Variants in NCOA7 observed in about 807,000 individuals in gnomAD.
The protein encoded by NCOA7 is nuclear receptor coactivator 7, also known as 140 kDa estrogen receptor-associated protein.
NCOA7 carries 45 observed loss-of-function variants against 104.3 expected under a neutral mutation model. The observed-to-expected ratio is 0.43, with a 90% CI of 0.34 to 0.55. NCOA7 has a LOEUF of 0.55. Among genes scored for constraint, NCOA7 ranks in the 20% least tolerant of loss-of-function variants. The pLI is 0.02. For missense variants in NCOA7, 1,041 were observed against 1,119.7 expected (o/e 0.93, Z 1.00); for synonymous variants, 398 against 402.3 (o/e 0.99, Z 0.13).
intron 1 of NCOA7, among the ~76,000 whole-genome samples, chr6:125,806,145 A>C (rs1776426516): frequency 6.6e-6 from 1 of 152,188 alleles, no homozygotes; most frequent in African/African-American, 2.4e-5. Context: ...GTTCAAGACC[A>C]ACCTGGCCAA....
intron 3 of NCOA7, among the ~76,000 whole-genome samples, chr6:125,861,524 GA>G (rs1782048659): frequency 6.6e-6 from 1 of 152,086 alleles, no homozygotes; most frequent in Non-Finnish European, 1.5e-5. Flanking sequence ...TTTTCATGTA[GA>G]AAAAGGATGC....
At chr6:125,879,127 G>A (rs922197572) in intron 5 of NCOA7, among the ~76,000 whole-genome samples, 3 of 152,094 alleles carry the variant, frequency 2.0e-5, no homozygotes, top group Non-Finnish European at 4.4e-5. Context: ...ATAAATAAGA[G>A]CTATATACCA....
intron 4 of NCOA7, among the ~76,000 whole-genome samples, chr6:125,876,621 A>T (rs2128641993): frequency 6.6e-6 from 1 of 152,090 alleles, no homozygotes; most frequent in Non-Finnish European, 1.5e-5. Flanking sequence ...AAAAAAAATC[A>T]AACTCCGAAT....
At chr6:125,878,471 T>C (rs1783561418) in intron 5 of NCOA7, 101 bp downstream of exon 5, 6 of 727,432 alleles carry the variant, frequency 8.2e-6, no homozygotes, top group Non-Finnish European at 1.1e-5. Flanking sequence ...TTATGATAAA[T>C]GATAATGTGC....
intron 3 of NCOA7, among the ~76,000 whole-genome samples, chr6:125,871,736 C>G (rs911979219): frequency 4.6e-5 from 7 of 152,178 alleles, no homozygotes; most frequent in Non-Finnish European, 1.0e-4. Flanking sequence ...TGGCTCCCAC[C>G]TGTAATCCCA....
intron 3 of NCOA7, among the ~76,000 whole-genome samples, chr6:125,868,717 C>T (rs954927038): frequency 6.6e-6 from 1 of 152,242 alleles, no homozygotes; most frequent in African/African-American, 2.4e-5. Flanking sequence ...TTCTCCTGTT[C>T]ATAAATCAGG....
chr6:125,796,207 A>G (rs1157575765), intron 1 of NCOA7, among the ~76,000 whole-genome samples: 1 of 152,048 alleles, frequency 6.6e-6, no homozygotes, highest in African/African-American at 2.4e-5. Context: ...TAATAGCTAT[A>G]TTTTGCTACT....
At position 125,892,359 on chromosome 6, in the gene NCOA7, T is replaced by C. The variant is rs187796663; in HGVS notation, c.2096+1549T>C. 1.2e-3 allele frequency among the ~76,000 whole-genome samples: 187 copies of C among 152,276 alleles called. 2 individuals carry two copies. Among genetic ancestry groups the C allele is most frequent in the African/African-American group, 4.2e-3 (174 of 41,562 alleles). ...CCAGAAGAAATCTTTAATGGTAAAATAGTACTTCTCTTTCACTTCTTATAC... is the reference window on the plus strand; with the variant it reads ...CCAGAAGAAATCTTTAATGGTAAAACAGTACTTCTCTTTCACTTCTTATAC... On this transcript the variant is annotated intron_variant, in intron 10 of 15. Coordinates refer to ENST00000392477, the MANE Select transcript of NCOA7 (RefSeq NM_181782.5).
chr6:125,907,541 A>G (rs1252912083), intron 10 of NCOA7, among the ~76,000 whole-genome samples: 1 of 151,858 alleles, frequency 6.6e-6, no homozygotes, highest in African/African-American at 2.4e-5. Context: ...TCTCACTAAT[A>G]CTCCTTTAGA....
At chr6:125,848,648 C>CG (rs1554268573) in intron 2 of NCOA7, among the ~76,000 whole-genome samples, 19 of 151,590 alleles carry the variant, frequency 1.3e-4, no homozygotes, top group South Asian at 2.1e-4. Context: ...TGGAGCCTGT[C>CG]GGGGGGTGGT....
intron 5 of NCOA7, among the ~76,000 whole-genome samples, chr6:125,879,513 C>A (rs1783645449): frequency 6.6e-6 from 1 of 152,030 alleles, no homozygotes; most frequent in African/African-American, 2.4e-5. Context: ...ATCTTATATC[C>A]CCCCTTGACT....
In NCOA7 at chr6:125,890,803, C is replaced by G; in HGVS notation, c.2089C>G (p.Arg697Gly). The change falls in exon 10 of 16, where the codon CGG (arginine) becomes GGG (glycine). Residue 697 changes from arginine to glycine, a missense_variant. Transcript: ENST00000392477. ...KQPEYWFAVP[R>G]ERVDHLYTFF... Reference sequence around the variant, plus strand: ...GCCAGAGTACTGGTTTGCTGTTCCTCGGGAGAGGTGAGTATGGGCTACAAT... The same window carrying G: ...GCCAGAGTACTGGTTTGCTGTTCCTGGGGAGAGGTGAGTATGGGCTACAAT... 1 of 1,605,898 alleles carries G rather than the reference C, an allele frequency of 6.2e-7. No homozygotes were observed. The highest frequency in any genetic ancestry group is 8.5e-7 in the Non-Finnish European group (1 of 1,176,436).
chr6:125,893,955 T>C (rs11963811), intron 10 of NCOA7, among the ~76,000 whole-genome samples: 36,592 of 152,004 alleles, frequency 0.24, 4,992 homozygotes, highest in African/African-American at 0.39. Flanking sequence ...GGTCATTCTC[T>C]TGAGACAGCT....
intron 2 of NCOA7, among the ~76,000 whole-genome samples, chr6:125,840,706 A>G (rs1461814434): frequency 2.0e-5 from 3 of 150,298 alleles, no homozygotes; most frequent in Admixed American, 2.0e-4. Flanking sequence ...AATTGTAGAG[A>G]CAGGGTCTTT....
chr6:125,808,270 AC>A (rs1776643403), intron 1 of NCOA7, among the ~76,000 whole-genome samples: 1 of 152,166 alleles, frequency 6.6e-6, no homozygotes, highest in African/African-American at 2.4e-5. Flanking sequence ...CCAGCCCAGC[AC>A]TGGCATCACC....
chr6:125,870,369 A>G (rs1782791072), intron 3 of NCOA7, among the ~76,000 whole-genome samples: 1 of 152,092 alleles, frequency 6.6e-6, no homozygotes, highest in Non-Finnish European at 1.5e-5. Flanking sequence ...CTGGGTTTCC[A>G]TCTCTGGACC....
At chr6:125,793,541 G>A (rs937023691) in intron 1 of NCOA7, among the ~76,000 whole-genome samples, 5 of 152,136 alleles carry the variant, frequency 3.3e-5, no homozygotes, top group East Asian at 1.9e-4. Flanking sequence ...CTCACTTTTG[G>A]GTCCTACCTC....
chr6:125,842,650 A>G (rs952238774), intron 2 of NCOA7, among the ~76,000 whole-genome samples: 1 of 152,188 alleles, frequency 6.6e-6, no homozygotes, highest in Non-Finnish European at 1.5e-5. Flanking sequence ...GATTATAAAC[A>G]ATGATGAACT....
In NCOA7 at chr6:125,929,266, T is replaced by A. The variant is rs1788314066; in HGVS notation, c.*495T>A. 6.6e-6 allele frequency: 1 copy of A among 152,296 alleles called. No homozygotes were observed. The highest frequency in any genetic ancestry group is 2.1e-4 in the South Asian group (1 of 4,826). The allele number at this position is 152,296 out of a possible 1,614,324, so 9.4% of individuals were successfully genotyped here. On this transcript the variant is annotated 3_prime_UTR_variant, in exon 16 of 16. Coordinates refer to ENST00000392477, the MANE Select transcript of NCOA7 (RefSeq NM_181782.5). Reference sequence around the variant, plus strand: ...TTTTTTTTTTTTAAAAAAAAACTTTTATTTATTATTTGTAGTATATTGTCT... The same window carrying A: ...TTTTTTTTTTTTAAAAAAAAACTTTAATTTATTATTTGTAGTATATTGTCT...
Sources: gnomAD v4.1 joint callset for allele counts (sites outside exome capture counted in the v4.1 genomes callset) on GRCh38, gnomAD v4.1.1 for gene constraint, MANE v1.5 for transcripts, NCBI Gene and HGNC (gene_info 2026-07-23, HGNC 2026-07-21) for gene names.